The following NAALADL2 variants were observed in gnomAD, a reference collection of about 807,000 sequenced individuals.
NAALADL2 encodes the protein inactive N-acetylated-alpha-linked acidic dipeptidase-like protein 2.
In NAALADL2, 76 loss-of-function variants were observed where a neutral mutation model predicts 87.2. That is an observed-to-expected ratio of 0.87 (90% CI 0.72 to 1.05). NAALADL2 has a LOEUF of 1.05. Among genes scored for constraint, NAALADL2 ranks in the 50% least tolerant of loss-of-function variants. The probability of loss-of-function intolerance (pLI) is 0.00; values close to 1 mark genes in which losing one functional copy is unlikely to be tolerated. For missense variants in NAALADL2, 1,089 were observed against 945.8 expected (o/e 1.15, Z -1.99); for synonymous variants, 354 against 331.0 (o/e 1.07, Z -0.75).
intron 9 of NAALADL2, among the ~76,000 whole-genome samples, chr3:175,542,894 C>T (rs1056990174): frequency 1.3e-5 from 2 of 152,096 alleles, no homozygotes; most frequent in African/African-American, 2.4e-5. Context: ...AATGAATAAA[C>T]AGGAGGAAAA....
intron 5 of NAALADL2, among the ~76,000 whole-genome samples, chr3:175,351,126 T>G (rs1487864943): frequency 6.6e-6 from 1 of 152,144 alleles, no homozygotes; most frequent in Non-Finnish European, 1.5e-5. Context: ...ATAGAATAAC[T>G]TCAATGAGTC....
intron 3 of NAALADL2, among the ~76,000 whole-genome samples, chr3:174,848,079 C>G (rs973893489): frequency 2.7e-5 from 4 of 150,336 alleles, no homozygotes; most frequent in Non-Finnish European, 5.9e-5. Context: ...TCTATGGTTT[C>G]AATCAAGTTA....
At chr3:174,786,367 C>A (rs2109173376) in intron 3 of NAALADL2, among the ~76,000 whole-genome samples, 1 of 150,228 alleles carries the variant, frequency 6.7e-6, no homozygotes, top group Middle Eastern at 3.4e-3. Flanking sequence ...AGGAGATGTG[C>A]TTGAACCCAG....
At position 175,432,029 on chromosome 3, in the gene NAALADL2, G is replaced by GA. The variant is rs200029916; in HGVS notation, c.1091-15191dup. Among the ~76,000 whole-genome samples the GA allele has an allele frequency of 7.1e-3, 1,067 of 149,762 alleles. 8 individuals are homozygous for GA. Among genetic ancestry groups the GA allele is most frequent in the African/African-American group, 0.023 (955 of 40,954 alleles). On this transcript the variant is annotated intron_variant, in intron 5 of 13. Coordinates refer to ENST00000454872, the MANE Select transcript of NAALADL2 (RefSeq NM_207015.3). ...TCATGCAGCTATTACTTCTTGTTGA[G>GA]AAAAAAAAATAGCTTTTAACAGTAA...
In NAALADL2 at chr3:175,256,405, T is replaced by C. The variant is rs376040513; in HGVS notation, c.820-6T>C. ...TTATTTTTCTTTGTTTTTTCTCCTC[T>C]TTCAGGCTGAAGTCATCGATGTGAG... On this transcript the variant is annotated splice_region_variant and splice_polypyrimidine_tract_variant and intron_variant, in intron 3 of 13. Transcript: ENST00000454872. The C allele has an allele frequency of 1.7e-5, 27 of 1,603,324 alleles. No homozygotes were observed. The highest frequency in any genetic ancestry group is 2.1e-5 in the Non-Finnish European group (25 of 1,176,384).
In NAALADL2 at chr3:175,021,993, C is replaced by T. The variant is rs966215542; in HGVS notation, c.44-74797C>T. ...GAATGGCTTGTCTTCCTCATGGTAA[C>T]GAGTGAATTTTTACTCTATTAGTAC... is the stretch of plus-strand genomic sequence containing the variant. On this transcript the variant is annotated intron_variant, in intron 1 of 13. Transcript: ENST00000454872. 2.6e-5 allele frequency among the ~76,000 whole-genome samples: 4 copies of T among 151,870 alleles called. No individual in the cohort carries two copies. In the East Asian group the frequency reaches 5.8e-4, roughly 22 times the overall value.
chr3:175,055,018 G>T (rs1447169891), intron 1 of NAALADL2, among the ~76,000 whole-genome samples: 2 of 152,188 alleles, frequency 1.3e-5, no homozygotes, highest in Non-Finnish European at 2.9e-5. Flanking sequence ...AATTGAGCAG[G>T]TTGAATTGGC....
intron 3 of NAALADL2, among the ~76,000 whole-genome samples, chr3:174,842,696 A>G (rs1724159917): frequency 6.6e-6 from 1 of 152,186 alleles, no homozygotes; most frequent in Admixed American, 6.5e-5. Flanking sequence ...TCTACTTGAC[A>G]TCCGGCTTGG....
chr3:174,601,522 C>G (rs1718459568), intron 2 of NAALADL2, among the ~76,000 whole-genome samples: 3 of 151,988 alleles, frequency 2.0e-5, no homozygotes, highest in Admixed American at 2.0e-4. Flanking sequence ...TTGTTTTCAG[C>G]TTCTTATATA....
intron 2 of NAALADL2, among the ~76,000 whole-genome samples, chr3:175,165,542 T>C (rs6796416): frequency 0.47 from 71,760 of 151,878 alleles, 17,295 homozygotes; most frequent in African/African-American, 0.58. Context: ...ATCTTGAAAT[T>C]TGGAAAAAAA....
intron 9 of NAALADL2, among the ~76,000 whole-genome samples, chr3:175,568,492 G>T (rs747893906): frequency 1.3e-5 from 2 of 152,174 alleles, no homozygotes; most frequent in Admixed American, 1.3e-4. Context: ...CGTTAATGTG[G>T]TTTGTGAGCT....
At chr3:175,685,502 A>T (rs1268013110) in intron 11 of NAALADL2, among the ~76,000 whole-genome samples, 5 of 151,108 alleles carry the variant, frequency 3.3e-5, no homozygotes, top group Non-Finnish European at 7.4e-5. Context: ...TCAGTTAAAT[A>T]CATAGAGACA....
intron 4 of NAALADL2, among the ~76,000 whole-genome samples, chr3:175,277,123 A>G (rs1359450714): frequency 2.0e-5 from 3 of 152,192 alleles, no homozygotes; most frequent in Non-Finnish European, 4.4e-5. Context: ...GTATGTCTTT[A>G]ATAGACAAAT....
chr3:175,486,452 TTCTC>T (rs1223277528), intron 9 of NAALADL2, among the ~76,000 whole-genome samples: 1 of 152,116 alleles, frequency 6.6e-6, no homozygotes, highest in Non-Finnish European at 1.5e-5. Context: ...CAGTTAGCAT[TTCTC>T]TCTCTATTCC....
At chr3:174,854,523 TAA>T (rs1725630996), upstream of NAALADL2, among the ~76,000 whole-genome samples, 2 of 152,116 alleles carry the variant, frequency 1.3e-5, no homozygotes, top group Admixed American at 1.3e-4. Context: ...TCAAAATCAT[TAA>T]GAGTGAAATT....
chr3:175,787,597 C>T (rs1344174947), intron 13 of NAALADL2, among the ~76,000 whole-genome samples: 1 of 151,826 alleles, frequency 6.6e-6, no homozygotes, highest in Non-Finnish European at 1.5e-5. Flanking sequence ...ACCCACTGAC[C>T]TGCGCCCACT....
chr3:175,392,390 A>C (rs928875051), intron 5 of NAALADL2, among the ~76,000 whole-genome samples: 3 of 152,294 alleles, frequency 2.0e-5, no homozygotes, highest in Admixed American at 1.3e-4. Flanking sequence ...ATAAAGAAAA[A>C]TCTGTCTAAA....
intron 5 of NAALADL2, among the ~76,000 whole-genome samples, chr3:175,412,500 A>G (rs930866643): frequency 1.3e-5 from 2 of 152,140 alleles, no homozygotes; most frequent in Admixed American, 6.6e-5. Context: ...CTTGCCTGTT[A>G]TTATTAGGAT....
At chr3:174,574,214 G>T (rs145926091) in intron 2 of NAALADL2, among the ~76,000 whole-genome samples, 541 of 151,880 alleles carry the variant, frequency 3.6e-3, no homozygotes, top group African/African-American at 0.012. Context: ...GCTTTTAAAA[G>T]AAAATTCAAG....
Sources: gnomAD v4.1 joint callset for allele counts (sites outside exome capture counted in the v4.1 genomes callset) on GRCh38, gnomAD v4.1.1 for gene constraint, MANE v1.5 for transcripts, NCBI Gene and HGNC (gene_info 2026-07-23, HGNC 2026-07-21) for gene names.